The following ADGRE2 variants were observed in gnomAD, a reference collection of about 807,000 sequenced individuals.
The protein encoded by ADGRE2 is CD97 antigen.
In ADGRE2, 83 loss-of-function variants were observed where a neutral mutation model predicts 100.8. That is an observed-to-expected ratio of 0.82 (90% CI 0.69 to 0.99). ADGRE2 has a LOEUF of 0.99. Among genes scored for constraint, ADGRE2 ranks in the 50% least tolerant of loss-of-function variants. The pLI, the probability that ADGRE2 is intolerant of heterozygous loss-of-function variation, is 0.00. For synonymous variants in ADGRE2, 355 were observed against 413.0 expected (o/e 0.86, Z 1.70); for missense variants, 814 against 1,035.7 (o/e 0.79, Z 2.94).
At chr19:14,764,262 T>C (rs2043864705) in intron 11 of ADGRE2, among the ~76,000 whole-genome samples, 171 bp downstream of exon 11, 2 of 151,984 alleles carry the variant, frequency 1.3e-5, no homozygotes, top group African/African-American at 4.8e-5. Flanking sequence ...AGAGATTGAG[T>C]ATTGCCATCT....
At chr19:14,729,039 G>A (rs1285832682), downstream of ADGRE2, among the ~76,000 whole-genome samples, 1 of 152,204 alleles carries the variant, frequency 6.6e-6, no homozygotes, top group Non-Finnish European at 1.5e-5. Flanking sequence ...TATGTGTGTG[G>A]TTTTGAGGGG....
Position 14,735,237 on chromosome 19 carries a change from C to T in ADGRE2, c.*999G>A, listed in dbSNP as rs1179359327. 1 of 152,186 alleles carries T rather than the reference C, an allele frequency of 6.6e-6. No individual in the cohort carries two copies. Among genetic ancestry groups the T allele is most frequent in the East Asian group, 1.9e-4 (1 of 5,196 alleles). 9.4% of individuals were successfully genotyped at this position (152,186 alleles called of 1,614,324 possible). A position where few individuals can be genotyped will look rare whatever the true frequency, so the allele number is the denominator to read the frequency against. ...GATTTCTCCTTAACTCCTATATCAT[C>T]ACCATGCTTGGCTAATTTTTAATTT... On this transcript the variant is annotated 3_prime_UTR_variant, in exon 21 of 21. Transcript: ENST00000315576.
At position 14,765,410 on chromosome 19, in the gene ADGRE2, G is replaced by A. The variant is rs1311046417; in HGVS notation, c.829-13C>T. 6.2e-7 allele frequency: 1 copy of A among 1,614,032 alleles called. No homozygotes were observed. The highest frequency in any genetic ancestry group is 8.5e-7 in the Non-Finnish European group (1 of 1,179,964). ...ATCGGGAAAGCGTCTGCAGAGAGAG[G>A]AGATGTGGGGGTCAGAGAGCCTGGA... On this transcript the variant is annotated splice_polypyrimidine_tract_variant and intron_variant, in intron 9 of 20. Coordinates refer to ENST00000315576, the MANE Select transcript of ADGRE2 (RefSeq NM_013447.4).
intron 1 of ADGRE2, among the ~76,000 whole-genome samples, chr19:14,777,765 T>A (rs1369419349): frequency 1.3e-5 from 2 of 151,828 alleles, no homozygotes; most frequent in Non-Finnish European, 2.9e-5. Context: ...TGTTTCTGTG[T>A]TAGTTTGCTG....
Position 14,776,622 on chromosome 19 carries a change from C to A in ADGRE2, c.31+104G>T, listed in dbSNP as rs998216267. On this transcript the variant is annotated intron_variant, in intron 2 of 20. Transcript: ENST00000315576. ...TTGACCATGTGGCTTTCTCCATCGC[C>A]GGCCCCACAGACACCAGCGGCGCCT... The A allele has an allele frequency of 2.7e-5, 36 of 1,327,718 alleles. No homozygotes were observed. The Admixed American group carries it at 4.4e-4, about 16-fold the overall frequency. The allele number at this position is 1,327,718 out of a possible 1,614,324, so 82.2% of individuals were successfully genotyped here.
chr19:14,753,887 C>T lies in ADGRE2; in HGVS notation c.1590+1067G>A, dbSNP rs139234534. ...TCTTCCTGGAGAATCAGATTCAAAA[C>T]TTGTGACGGTTAATACTGGGTGTCA... On this transcript the variant is annotated intron_variant, in intron 14 of 20. Transcript: ENST00000315576. 1.5e-3 allele frequency among the ~76,000 whole-genome samples: 232 copies of T among 151,872 alleles called. 1 individual carries two copies. The highest frequency in any genetic ancestry group is 5.5e-3 in the African/African-American group (226 of 41,404).
In ADGRE2 at chr19:14,768,510, C is replaced by T. The variant is rs190687156; in HGVS notation, c.356-1401G>A. ...TCTGTCATCTCATCTCTTGGCATTCCACCAGGGACACAGACCTATTTCTGA... is the reference window on the plus strand; with the variant it reads ...TCTGTCATCTCATCTCTTGGCATTCTACCAGGGACACAGACCTATTTCTGA... On this transcript the variant is annotated intron_variant, in intron 5 of 20. Transcript: ENST00000315576. Among the ~76,000 whole-genome samples, 64 of 152,286 alleles carry T rather than the reference C, an allele frequency of 4.2e-4. No individual in the cohort carries two copies. In the Middle Eastern group the frequency reaches 0.014, roughly 32 times the overall value.
chr19:14,729,776 A>C (rs1053428379), downstream of ADGRE2, among the ~76,000 whole-genome samples: 3 of 152,340 alleles, frequency 2.0e-5, no homozygotes, highest in African/African-American at 7.2e-5. Context: ...AATTGTTCTC[A>C]CCACCAAATA....
At chr19:14,775,523 G>T (rs2044403064) in intron 2 of ADGRE2, among the ~76,000 whole-genome samples, 1 of 151,866 alleles carries the variant, frequency 6.6e-6, no homozygotes, top group Non-Finnish European at 1.5e-5. Flanking sequence ...GGGCTGTCTG[G>T]TGTGCCTGAG....
chr19:14,733,012 A>G lies in ADGRE2; in HGVS notation c.*3224T>C, dbSNP rs1199672052. On this transcript the variant is annotated 3_prime_UTR_variant, in exon 21 of 21. Transcript: ENST00000315576. ...GGGCTCTACACTCATAGGGACCCACATGTTCCAAGCCTCCAGCTGTGTGTT... is the reference window on the plus strand; with the variant it reads ...GGGCTCTACACTCATAGGGACCCACGTGTTCCAAGCCTCCAGCTGTGTGTT... 1.3e-5 allele frequency: 2 copies of G among 152,194 alleles called. No homozygotes were observed. Among genetic ancestry groups the G allele is most frequent in the Non-Finnish European group, 2.9e-5 (2 of 68,044 alleles). The allele number at this position is 152,194 out of a possible 1,614,324, so 9.4% of individuals were successfully genotyped here. A position where few individuals can be genotyped will look rare whatever the true frequency, so the allele number is the denominator to read the frequency against.
In ADGRE2 at chr19:14,751,558, G is replaced by C. The variant is rs765916098; in HGVS notation, c.1902C>G (p.Val634=). Residue 634 remains valine, a synonymous_variant, in exon 16 of 21, where the codon GTC becomes GTG. Coordinates refer to ENST00000315576, the MANE Select transcript of ADGRE2 (RefSeq NM_013447.4). ...TGAATCTGTTGATGCTTGAGTAGTT[G>C]ACCACCGTCAGGTTCCGTGCAGTGA... ...LFLTARNLTV[V]NYSSINRFMK... is the part of the protein sequence containing the mutation. 1 of 1,614,054 alleles carries C rather than the reference G, an allele frequency of 6.2e-7. No homozygotes were observed.
chr19:14,762,600 C>G (rs147713362), intron 11 of ADGRE2, among the ~76,000 whole-genome samples: 3 of 150,704 alleles, frequency 2.0e-5, no homozygotes, highest in Non-Finnish European at 1.5e-5. Context: ...TAGATTCTAC[C>G]GAAACACACG....
In ADGRE2 at chr19:14,754,487, CTATT is replaced by C. The variant is rs950290513; in HGVS notation, c.1590+463_1590+466del. Reference sequence around the variant, plus strand: ...TCTATCTATCTATCTATCTATCTATCTATTCCATTAGTTCTGTCCCTCTAGAGAA... The same window carrying C: ...TCTATCTATCTATCTATCTATCTATCCCATTAGTTCTGTCCCTCTAGAGAA... On this transcript the variant is annotated intron_variant, in intron 14 of 20. Transcript: ENST00000315576. 1.1e-4 allele frequency among the ~76,000 whole-genome samples: 15 copies of C among 142,712 alleles called. No homozygotes were observed. The South Asian group carries it at 2.2e-3, about 21-fold the overall frequency. The allele number at this position is 142,712 out of a possible 152,430, so 93.6% of individuals were successfully genotyped here. A position where few individuals can be genotyped will look rare whatever the true frequency, so the allele number is the denominator to read the frequency against.
At chr19:14,731,102 A>G, downstream of ADGRE2, 1 of 1,377,214 alleles carries the variant, frequency 7.3e-7, no homozygotes, top group South Asian at 1.2e-5. Context: ...CCTCCCCCCA[A>G]GGATTGGCCC....
chr19:14,741,796 C>T (rs1325131045), intron 20 of ADGRE2: 3 of 362,262 alleles, frequency 8.3e-6, no homozygotes, highest in African/African-American at 6.3e-5. Context: ...AGACTCTGTA[C>T]ATTTGACACA....
chr19:14,772,305 T>C, intron 5 of ADGRE2, 37 bp downstream of exon 5: 1 of 1,613,288 alleles, frequency 6.2e-7, no homozygotes, highest in Admixed American at 1.7e-5. Flanking sequence ...CCAAACCTCA[T>C]GGACAGTGGT....
At chr19:14,769,597 T>C (rs2044120157) in intron 5 of ADGRE2, among the ~76,000 whole-genome samples, 1 of 152,178 alleles carries the variant, frequency 6.6e-6, no homozygotes, top group Non-Finnish European at 1.5e-5. Context: ...ATGAGAGCCC[T>C]CTCCCACTTC....
chr19:14,776,541 TGTGGGGG>T, intron 2 of ADGRE2, 178 bp downstream of exon 2: 1 of 367,726 alleles, frequency 2.7e-6, no homozygotes, highest in Non-Finnish European at 5.1e-6. Flanking sequence ...CCTGCCGGGG[TGTGGGGG>T]TGCCCAAGCA....
At chr19:14,764,843 C>G (rs1156261275) in intron 10 of ADGRE2, among the ~76,000 whole-genome samples, 1 of 152,124 alleles carries the variant, frequency 6.6e-6, no homozygotes. Flanking sequence ...ATGGTGAAAC[C>G]CCGTCTCTAC....
Sources: gnomAD v4.1 joint callset for allele counts (sites outside exome capture counted in the v4.1 genomes callset) on GRCh38, gnomAD v4.1.1 for gene constraint, MANE v1.5 for transcripts, NCBI Gene and HGNC (gene_info 2026-07-23, HGNC 2026-07-21) for gene names.